Variants in STYX observed in about 807,000 individuals in gnomAD.
The protein encoded by STYX is serine/threonine/tyrosine-interacting protein.
Under a neutral mutation model 42.7 loss-of-function variants are expected in STYX, and 20 were observed. The ratio of observed to expected loss-of-function variants is 0.47; its 90% CI spans 0.33 to 0.68. The LOEUF (loss-of-function observed/expected upper bound fraction) is 0.68, where lower values mean the gene tolerates loss of function less well. Among genes scored for constraint, STYX ranks in the 30% least tolerant of loss-of-function variants. The pLI, the probability that STYX is intolerant of heterozygous loss-of-function variation, is 0.02. For synonymous variants in STYX, 78 were observed against 81.9 expected, an observed-to-expected ratio of 0.95 and a Z score of 0.26; for missense variants, 226 against 268.5, an observed-to-expected ratio of 0.84 and a Z score of 1.11.
intron 1 of STYX, among the ~76,000 whole-genome samples, chr14:52,743,474 G>A (rs1460851536): frequency 2.0e-5 from 3 of 151,964 alleles, no homozygotes; most frequent in Non-Finnish European, 2.9e-5. Flanking sequence ...CCAGCTACTC[G>A]GGAGGCTGAG....
chr14:52,730,669 C>T, intron 1 of STYX, 138 bp downstream of exon 1: 1 of 917,852 alleles, frequency 1.1e-6, no homozygotes, highest in Non-Finnish European at 1.6e-6. Flanking sequence ...CCTCTGAAGC[C>T]GAGCGGTCGG....
chr14:52,746,990 C>T lies in STYX; in HGVS notation c.144+511C>T, dbSNP rs141975130. ...ACTTTTTGAGCACCAGTATGTCACT[C>T]GAAGGAAATCCTCACTGGAGTATTT... On this transcript the variant is annotated intron_variant, in intron 3 of 10. Transcript: ENST00000354586. Among the ~76,000 whole-genome samples the T allele has an allele frequency of 4.1e-3, 628 of 152,224 alleles. 6 individuals are homozygous for T. The highest frequency in any genetic ancestry group is 0.014 in the African/African-American group (583 of 41,530).
At chr14:52,743,220 T>G (rs1285741426) in intron 1 of STYX, among the ~76,000 whole-genome samples, 7 of 152,032 alleles carry the variant, frequency 4.6e-5, no homozygotes, top group African/African-American at 1.7e-4. Flanking sequence ...AAAACCTGTC[T>G]CTCATTGTAG....
intron 1 of STYX, among the ~76,000 whole-genome samples, chr14:52,744,357 T>C (rs559684034): frequency 1.3e-4 from 20 of 152,302 alleles, no homozygotes; most frequent in African/African-American, 4.6e-4. Context: ...TGATAAGCAT[T>C]TGGCATTTTA....
chr14:52,755,243 C>G (rs1279986759), intron 4 of STYX, among the ~76,000 whole-genome samples: 1 of 152,034 alleles, frequency 6.6e-6, no homozygotes, highest in Admixed American at 6.6e-5. Flanking sequence ...CTGCCTCAGC[C>G]TCCTGAGTAG....
intron 1 of STYX, among the ~76,000 whole-genome samples, chr14:52,736,177 T>C (rs1178501819): frequency 6.6e-6 from 1 of 152,174 alleles, no homozygotes; most frequent in Non-Finnish European, 1.5e-5. Context: ...TTCCTTACCC[T>C]CACCTAATTA....
chr14:52,769,091 A>G (rs761194284), intron 10 of STYX, among the ~76,000 whole-genome samples, 158 bp downstream of exon 10: 1 of 152,288 alleles, frequency 6.6e-6, no homozygotes, highest in East Asian at 1.9e-4. Context: ...ATAAATGTGT[A>G]CTATAATAAG....
intron 5 of STYX, 63 bp downstream of exon 5, chr14:52,756,674 GCTTTTT>G: frequency 4.6e-5 from 9 of 195,904 alleles, no homozygotes; most frequent in East Asian, 9.5e-5. Context: ...TCTTAGTTGT[GCTTTTT>G]TTTTTTTTTT....
chr14:52,762,160 G>A (rs1167789665), intron 9 of STYX, among the ~76,000 whole-genome samples: 1 of 151,734 alleles, frequency 6.6e-6, no homozygotes. Flanking sequence ...AATTACAGGC[G>A]TGAGCCACCA....
intron 1 of STYX, among the ~76,000 whole-genome samples, chr14:52,740,102 C>T (rs1219931671): frequency 6.6e-6 from 1 of 152,056 alleles, no homozygotes; most frequent in East Asian, 1.9e-4. Flanking sequence ...GATGGTGAAA[C>T]CCCATCTCTA....
At chr14:52,756,481 G>T in intron 4 of STYX, 70 bp from the exon 5 acceptor site, 1 of 873,626 alleles carries the variant, frequency 1.1e-6, no homozygotes, top group South Asian at 1.6e-5. Context: ...AAGAAATAAT[G>T]AGTTATTTTT....
chr14:52,771,855 A>C lies in STYX; in HGVS notation c.*749A>C, dbSNP rs1882523469. The stretch of plus-strand genomic sequence containing the variant: ...TTTTGATTTATAGTACCAAGTGCTT[A>C]AACACAAGGATAGTGTTAGATTTTC... On this transcript the variant is annotated 3_prime_UTR_variant, in exon 11 of 11. Coordinates refer to ENST00000354586, the MANE Select transcript of STYX (RefSeq NM_145251.4). The C allele has an allele frequency of 6.6e-6, 1 of 152,506 alleles. No homozygotes were observed. The highest frequency in any genetic ancestry group is 2.4e-5 in the African/African-American group (1 of 41,454). The allele number at this position is 152,506 out of a possible 1,614,324, so 9.4% of individuals were successfully genotyped here. A position where few individuals can be genotyped will look rare whatever the true frequency, so the allele number is the denominator to read the frequency against.
chr14:52,756,504 A>G (rs765801505), intron 4 of STYX, 47 bp from the exon 5 acceptor site: 1 of 1,074,440 alleles, frequency 9.3e-7, no homozygotes, highest in South Asian at 1.4e-5. Flanking sequence ...AAAGTACCTT[A>G]AGTGTTTTAC....
chr14:52,770,030 A>C (rs1882452225), intron 10 of STYX, among the ~76,000 whole-genome samples: 1 of 151,982 alleles, frequency 6.6e-6, no homozygotes, highest in Admixed American at 6.6e-5. Flanking sequence ...TCCCCACCTA[A>C]AATGCATCAC....
intron 3 of STYX, among the ~76,000 whole-genome samples, chr14:52,746,863 A>G (rs1023824144): frequency 6.6e-6 from 1 of 152,210 alleles, no homozygotes; most frequent in Non-Finnish European, 1.5e-5. Flanking sequence ...CTTCCTTATC[A>G]AGGGTAAGAC....
chr14:52,739,539 G>T (rs190756689), intron 1 of STYX, among the ~76,000 whole-genome samples: 31 of 150,862 alleles, frequency 2.1e-4, no homozygotes, highest in African/African-American at 7.5e-4. Context: ...TGCTTATTCT[G>T]TGTCAGGCAC....
chr14:52,761,361 C>T (rs1232569397), intron 9 of STYX, among the ~76,000 whole-genome samples: 1 of 151,564 alleles, frequency 6.6e-6, no homozygotes, highest in Non-Finnish European at 1.5e-5. Context: ...TGGAAATATC[C>T]TGATAGGTAC....
intron 4 of STYX, among the ~76,000 whole-genome samples, chr14:52,756,147 C>A (rs1361925784): frequency 1.3e-5 from 2 of 152,124 alleles, no homozygotes; most frequent in African/African-American, 4.8e-5. Flanking sequence ...CCCTTAGTAG[C>A]TGGGACTATA....
intron 1 of STYX, among the ~76,000 whole-genome samples, chr14:52,744,397 G>A: frequency 6.6e-6 from 1 of 152,156 alleles, no homozygotes. Flanking sequence ...GTATGACATA[G>A]CATTCTTCTT....
Sources: gnomAD v4.1 joint callset for allele counts (sites outside exome capture counted in the v4.1 genomes callset) on GRCh38, gnomAD v4.1.1 for gene constraint, MANE v1.5 for transcripts, NCBI Gene and HGNC (gene_info 2026-07-23, HGNC 2026-07-21) for gene names.